Variants in HTR3A observed in about 807,000 individuals in gnomAD.
HTR3A encodes 5-hydroxytryptamine (serotonin) receptor 3A, ionotropic.
A neutral mutation model predicts 54.8 loss-of-function variants in HTR3A; 45 were observed. The observed-to-expected ratio is 0.82, with a 90% CI of 0.65 to 1.05. HTR3A has a LOEUF of 1.05. Ranked by LOEUF, HTR3A falls within the 50% of genes least tolerant of loss-of-function variation. HTR3A has a pLI of 0.00. For synonymous variants in HTR3A, 297 were observed against 256.0 expected (o/e 1.16, Z -1.53); for missense variants, 657 against 614.0 (o/e 1.07, Z -0.74).
chr11:113,982,981 C>G, intron 4 of HTR3A, 139 bp from the exon 5 acceptor site: 1 of 954,092 alleles, frequency 1.0e-6, no homozygotes, highest in Non-Finnish European at 1.6e-6. Context: ...AAAACCGAGG[C>G]CAGGCAAAAC....
chr11:113,980,766 C>T (rs762388725), intron 3 of HTR3A, among the ~76,000 whole-genome samples: 13 of 152,288 alleles, frequency 8.5e-5, no homozygotes, highest in Admixed American at 5.2e-4. Flanking sequence ...GTGACATGAT[C>T]GAATTTACAT....
At chr11:113,977,431 G>C in intron 1 of HTR3A, 2 of 909,198 alleles carry the variant, frequency 2.2e-6, no homozygotes. Context: ...TTGCTCCCCA[G>C]AGGCCCTCGC....
intron 2 of HTR3A, 117 bp downstream of exon 2, chr11:113,978,039 G>A (rs900320327): frequency 2.7e-5 from 32 of 1,198,858 alleles, no homozygotes; most frequent in African/African-American, 1.8e-4. Flanking sequence ...TAGGACCTAC[G>A]GTCTGGCACC....
Position 113,990,062 on chromosome 11 carries a change from C to G in HTR3A, c.*299C>G, listed in dbSNP as rs557643148. 17 of 574,966 alleles carry G rather than the reference C, an allele frequency of 3.0e-5. No homozygotes were observed. Among genetic ancestry groups the G allele is most frequent in the South Asian group, 2.4e-4 (16 of 65,564 alleles). 35.6% of individuals were successfully genotyped at this position (574,966 alleles called of 1,614,324 possible). On this transcript the variant is annotated 3_prime_UTR_variant, in exon 9 of 9. Coordinates refer to ENST00000504030, the MANE Select transcript of HTR3A (RefSeq NM_000869.6). ...AACTCGGGCACTCCCTAAGTCCACT[C>G]TAGTTGTGGACTTTTCCCCATTGAC...
At position 113,989,751 on chromosome 11, in the gene HTR3A, G is replaced by T; in HGVS notation, c.1425G>T (p.Trp475Cys). The T allele has an allele frequency of 1.2e-6, 2 of 1,610,998 alleles. No homozygotes were observed. Among genetic ancestry groups the T allele is most frequent in the Non-Finnish European group, 1.7e-6 (2 of 1,180,024 alleles). ...CCCTGGTTATGCTCTGGTCCATCTG[G>T]CAGTACGCTTGAGTGGGTACAGCCC... ...SITLVMLWSI[W>C]QYA Residue 475 changes from tryptophan to cysteine, a missense_variant, in exon 9 of 9, where the codon TGG (tryptophan) becomes TGT (cysteine). Physicochemically the swap from Trp to Cys is radical, Grantham distance 215 (BLOSUM62 -2). Transcript: ENST00000504030. This position sits in a 1 kb window ranked among gnomAD's most constrained non-coding sequence, Gnocchi z 4.4.
chr11:113,983,776 T>C (rs1950453845), intron 5 of HTR3A, among the ~76,000 whole-genome samples: 1 of 152,142 alleles, frequency 6.6e-6, no homozygotes, highest in African/African-American at 2.4e-5. Flanking sequence ...CACCCTCGTC[T>C]CCTGCCTAGG....
chr11:113,980,130 AGGGAC>A (rs1346001564), intron 3 of HTR3A, among the ~76,000 whole-genome samples: 2 of 152,206 alleles, frequency 1.3e-5, no homozygotes, highest in African/African-American at 4.8e-5. Flanking sequence ...TCCAAAGGGA[AGGGAC>A]CCAAACAAGT....
In HTR3A at chr11:113,983,307, G is replaced by A. The variant is rs779323410; in HGVS notation, c.544+18G>A. On this transcript the variant is annotated intron_variant, in intron 5 of 8. Transcript: ENST00000504030. The stretch of plus-strand genomic sequence containing the variant: ...GCACACCAGTGAGTATGTGGGCTTC[G>A]CCGGGACAGGGGTGGAGGTTGGGGG... 3.7e-6 allele frequency: 6 copies of A among 1,613,220 alleles called. No individual in the cohort carries two copies. The highest frequency in any genetic ancestry group is 1.9e-4 in the Middle Eastern group (1 of 5,368).
At position 113,987,040 on chromosome 11, in the gene HTR3A, T is replaced by G; in HGVS notation, c.1132T>G (p.Cys378Gly). ...ATSQATKTDDCSAMGNHCSHM... is the reference protein window; with the variant it reads ...ATSQATKTDDGSAMGNHCSHM... ...CTCCCAAGCCACCAAGACTGATGAC[T>G]GCTCAGGTGAGAAACAGAAGGGAAG... The change falls in exon 8 of 9, where the codon TGC becomes GGC. Residue 378 changes from cysteine to glycine, a missense_variant. Physicochemically the swap from Cys to Gly is radical, Grantham distance 159. Transcript: ENST00000504030. 2 of 1,613,404 alleles carry G rather than the reference T, an allele frequency of 1.2e-6. No homozygotes were observed. The highest frequency in any genetic ancestry group is 1.7e-6 in the Non-Finnish European group (2 of 1,179,962).
chr11:113,986,789 T>C (rs1950498436), intron 7 of HTR3A, 36 bp from the exon 8 acceptor site: 1 of 1,380,000 alleles, frequency 7.2e-7, no homozygotes, highest in Middle Eastern at 1.9e-4. Flanking sequence ...TCCCACCTCC[T>C]GCATGTGTCT....
chr11:113,986,031 C>A lies in HTR3A; in HGVS notation c.561C>A (p.Ile187=). 6.2e-7 allele frequency: 1 copy of A among 1,614,172 alleles called. No homozygotes were observed. Among genetic ancestry groups the A allele is most frequent in the Middle Eastern group, 1.6e-4 (1 of 6,062 alleles). ...SWLHTIQDIN[I]SLWRLPEKVK... is the part of the protein sequence containing the mutation. Reference sequence around the variant, plus strand: ...CTCTCTCAGTCCAGGACATCAACATCTCTTTGTGGCGCTTGCCAGAAAAGG... The same window carrying A: ...CTCTCTCAGTCCAGGACATCAACATATCTTTGTGGCGCTTGCCAGAAAAGG... The change falls in exon 6 of 9, where the codon ATC becomes ATA. Residue 187 remains isoleucine (I), a synonymous_variant. Coordinates refer to ENST00000504030, the MANE Select transcript of HTR3A (RefSeq NM_000869.6).
intron 8 of HTR3A, among the ~76,000 whole-genome samples, chr11:113,987,696 G>A (rs1405635382): frequency 1.3e-5 from 2 of 152,126 alleles, no homozygotes; most frequent in African/African-American, 4.8e-5. Context: ...TCGCATCACT[G>A]CATCCCACCT....
chr11:113,980,074 G>C (rs1950403614), intron 3 of HTR3A, among the ~76,000 whole-genome samples: 1 of 152,188 alleles, frequency 6.6e-6, no homozygotes, highest in Non-Finnish European at 1.5e-5. Flanking sequence ...TGATCCCTGA[G>C]ATGCTGCTCT....
In HTR3A at chr11:113,989,475, C is replaced by G. The variant is rs771866989; in HGVS notation, c.1149C>G (p.Asn383Lys). Residue 383 changes from asparagine (N) to lysine (K), a missense_variant, in exon 9 of 9, where the codon AAC (asparagine) becomes AAG (lysine). Transcript: ENST00000504030. The surrounding 1 kb of genome is among the most constrained non-coding windows in gnomAD (Gnocchi z 4.4). ...CTGCCCTTCTTCCAGCCATGGGAAA[C>G]CACTGCAGCCACATGGGAGGACCCC... ...TKTDDCSAMG[N>K]HCSHMGGPQD... is the part of the protein sequence containing the mutation. 1 of 1,614,110 alleles carries G rather than the reference C, an allele frequency of 6.2e-7. No homozygotes were observed. Among genetic ancestry groups the G allele is most frequent in the Non-Finnish European group, 8.5e-7 (1 of 1,180,036 alleles).
rs778196923 is a variant in HTR3A at position 113,986,898 on chromosome 11, G to A, written c.990G>A (p.Val330=). The change falls in exon 8 of 9, where the codon GTG becomes GTA. Residue 330 remains valine (V), a synonymous_variant. Coordinates refer to ENST00000504030, the MANE Select transcript of HTR3A (RefSeq NM_000869.6). ...LAETIFIVRL[V]HKQDLQQPVP... is the part of the protein sequence containing the mutation. ...AGACCATCTTCATTGTGCGGCTGGT[G>A]CACAAGCAAGACCTGCAGCAGCCCG... The A allele has an allele frequency of 6.2e-7, 1 of 1,614,164 alleles. No homozygotes were observed. Among genetic ancestry groups the A allele is most frequent in the Middle Eastern group, 1.6e-4 (1 of 6,062 alleles).
intron 8 of HTR3A, among the ~76,000 whole-genome samples, chr11:113,987,514 C>G (rs1950507254): frequency 6.6e-6 from 1 of 152,112 alleles, no homozygotes; most frequent in African/African-American, 2.4e-5. Flanking sequence ...GGGAGGATCA[C>G]TTGAGCCCAG....
intron 4 of HTR3A, among the ~76,000 whole-genome samples, 163 bp downstream of exon 4, chr11:113,981,475 C>G (rs761265582): frequency 1.3e-5 from 2 of 152,164 alleles, no homozygotes; most frequent in African/African-American, 4.8e-5. Flanking sequence ...GTCTTCCCCC[C>G]CGACCTTTTT....
Position 113,989,631 on chromosome 11 carries a change from C to G in HTR3A, c.1305C>G (p.Ile435Met). Residue 435 changes from isoleucine (I) to methionine (M), a missense_variant, in exon 9 of 9, where the codon ATC becomes ATG. Transcript: ENST00000504030. This position sits in a 1 kb window ranked among gnomAD's most constrained non-coding sequence, Gnocchi z 4.4. ...AATTCCTGGAAAAGCGGGATGAGAT[C>G]CGAGAGGTGGCCCGAGACTGGCTGC... is the stretch of plus-strand genomic sequence containing the variant. Reference protein sequence around the residue: ...IRQFLEKRDEIREVARDWLRV... With the variant: ...IRQFLEKRDEMREVARDWLRV... The G allele has an allele frequency of 6.2e-7, 1 of 1,614,196 alleles. No homozygotes were observed.
Position 113,979,238 on chromosome 11 carries a change from G to C in HTR3A, c.225G>C (p.Glu75Asp). 6.2e-7 allele frequency: 1 copy of C among 1,613,286 alleles called. No homozygotes were observed. The highest frequency in any genetic ancestry group is 8.5e-7 in the Non-Finnish European group (1 of 1,179,746). Residue 75 changes from glutamate to aspartate, a missense_variant, in exon 3 of 9, where the codon GAG becomes GAC. Glu to Asp is a conservative substitution (Grantham distance 45). Coordinates refer to ENST00000504030, the MANE Select transcript of HTR3A (RefSeq NM_000869.6). ...AGCTCCCTTTCCTTTCCCAGGATGA[G>C]AAGAATCAGGTGCTGACCACCTACA... Reference protein sequence around the residue: ...VIVYAILNVDEKNQVLTTYIW... With the variant: ...VIVYAILNVDDKNQVLTTYIW...
Sources: allele counts gnomAD v4.1 joint callset (sites outside exome capture counted in the v4.1 genomes callset), GRCh38; gene constraint gnomAD v4.1.1; non-coding constraint Gnocchi (gnomAD v3.1); transcripts MANE v1.5; gene names NCBI Gene and HGNC (gene_info 2026-07-23, HGNC 2026-07-21).